The following COL25A1 variants were observed in gnomAD, a reference collection of about 807,000 sequenced individuals.
COL25A1 encodes collagen type XXV alpha 1 chain, also known as collagen alpha-1(XXV) chain.
In COL25A1, 103 loss-of-function variants were observed where a neutral mutation model predicts 128.4. The observed-to-expected ratio is 0.80, with a 90% confidence interval of 0.68 to 0.94. The LOEUF is 0.94. Among genes scored for constraint, COL25A1 ranks in the 40% least tolerant of loss-of-function variants. The probability of loss-of-function intolerance (pLI) is 0.00; values close to 1 mark genes in which losing one functional copy is unlikely to be tolerated. For synonymous variants in COL25A1, 279 were observed against 277.2 expected, an observed-to-expected ratio of 1.01 and a Z score of -0.06; for missense variants, 745 against 840.0, an observed-to-expected ratio of 0.89 and a Z score of 1.40.
At chr4:109,225,917 G>T (rs1399735324) in intron 3 of COL25A1, among the ~76,000 whole-genome samples, 1 of 150,870 alleles carries the variant, frequency 6.6e-6, no homozygotes, top group African/African-American at 2.4e-5. Flanking sequence ...TTACACACTA[G>T]TCACACGCTA....
intron 3 of COL25A1, among the ~76,000 whole-genome samples, chr4:109,197,451 TATATATAAATA>T (rs1402766166): frequency 8.4e-5 from 10 of 119,632 alleles, no homozygotes; most frequent in Non-Finnish European, 1.7e-4. Context: ...TTATATATAT[TATATATAAATA>T]TTATATATAA....
intron 6 of COL25A1, among the ~76,000 whole-genome samples, chr4:109,003,218 T>C (rs1402399894): frequency 6.6e-6 from 1 of 152,212 alleles, no homozygotes; most frequent in Non-Finnish European, 1.5e-5. Flanking sequence ...TCTATCCATC[T>C]GACAAAGGTT....
At chr4:109,091,597 T>C (rs1322322969) in intron 3 of COL25A1, among the ~76,000 whole-genome samples, 1 of 152,146 alleles carries the variant, frequency 6.6e-6, no homozygotes, top group African/African-American at 2.4e-5. Context: ...TGCACAGCAA[T>C]AGAGTTCTCA....
chr4:109,258,524 T>G (rs997207990), intron 3 of COL25A1, among the ~76,000 whole-genome samples: 3 of 152,194 alleles, frequency 2.0e-5, no homozygotes, highest in Non-Finnish European at 4.4e-5. Context: ...GTGCCTGCAC[T>G]GTTCAATAAG....
At chr4:109,240,721 T>C (rs1779843833) in intron 3 of COL25A1, among the ~76,000 whole-genome samples, 1 of 152,090 alleles carries the variant, frequency 6.6e-6, no homozygotes, top group African/African-American at 2.4e-5. Flanking sequence ...GTTCAAACGC[T>C]GATGCTGTCA....
At chr4:109,254,747 G>A (rs1377712229) in intron 3 of COL25A1, among the ~76,000 whole-genome samples, 3 of 151,700 alleles carry the variant, frequency 2.0e-5, no homozygotes, top group African/African-American at 7.3e-5. Context: ...CTATTACTGT[G>A]TTTTGATCAA....
intron 6 of COL25A1, among the ~76,000 whole-genome samples, chr4:108,978,264 G>A (rs533323012): frequency 1.5e-3 from 227 of 152,322 alleles, no homozygotes; most frequent in Non-Finnish European, 2.7e-3. Context: ...CAGCTGCAGC[G>A]GCTGCTTCGG....
intron 8 of COL25A1, among the ~76,000 whole-genome samples, chr4:108,968,707 G>T (rs907538591): frequency 3.3e-5 from 5 of 152,110 alleles, no homozygotes; most frequent in African/African-American, 1.2e-4. Flanking sequence ...GTTCAGCTGT[G>T]TAACAGTTAC....
rs533688245 is a variant in COL25A1, at chr4:108,852,387, T to C, written c.1345-107A>G. Reference sequence around the variant, plus strand: ...CTTCCTTATTTCTATCGTAATCAGATCTCCCCAAATATAAATTTGCAATGA... The same window carrying C: ...CTTCCTTATTTCTATCGTAATCAGACCTCCCCAAATATAAATTTGCAATGA... On this transcript the variant is annotated intron_variant, in intron 25 of 37. Transcript: ENST00000399132. The C allele has an allele frequency of 2.8e-5, 23 of 817,102 alleles. No homozygotes were observed. The East Asian group carries it at 6.6e-4, about 23-fold the overall frequency. 50.6% of individuals were successfully genotyped at this position (817,102 alleles called of 1,614,324 possible). A position where few individuals can be genotyped will look rare whatever the true frequency, so the allele number is the denominator to read the frequency against.
chr4:109,258,293 C>T (rs895851173), intron 3 of COL25A1, among the ~76,000 whole-genome samples: 5 of 151,784 alleles, frequency 3.3e-5, no homozygotes, highest in African/African-American at 1.2e-4. Context: ...TTCATCCATA[C>T]AGTCTTTTTC....
At chr4:109,280,977 T>C (rs957301981) in intron 3 of COL25A1, among the ~76,000 whole-genome samples, 1 of 152,188 alleles carries the variant, frequency 6.6e-6, no homozygotes, top group Non-Finnish European at 1.5e-5. Context: ...CAACAAAATG[T>C]ATGTGTTTAC....
chr4:108,940,474 C>T, intron 10 of COL25A1, 65 bp downstream of exon 10: 1 of 1,360,030 alleles, frequency 7.4e-7, no homozygotes. Flanking sequence ...CCTACTCCAC[C>T]CTAGTTCTCA....
intron 32 of COL25A1, among the ~76,000 whole-genome samples, chr4:108,830,177 C>T (rs752170766): frequency 5.9e-5 from 9 of 152,172 alleles, no homozygotes; most frequent in Non-Finnish European, 1.3e-4. Flanking sequence ...AACTCCTTTT[C>T]CTGGATTAAG....
chr4:108,954,867 G>A (rs1749878840), intron 8 of COL25A1, among the ~76,000 whole-genome samples: 1 of 151,530 alleles, frequency 6.6e-6, no homozygotes. Context: ...TCAAGACCAA[G>A]GAAAAAACTT....
At chr4:109,014,250 T>C (rs1416671797) in intron 5 of COL25A1, among the ~76,000 whole-genome samples, 2 of 151,940 alleles carry the variant, frequency 1.3e-5, no homozygotes, top group Non-Finnish European at 1.5e-5. Flanking sequence ...GAGGTTGCAG[T>C]GAGCTGAGAC....
At chr4:109,000,743 C>CAAAAAAAA (rs1180104512) in intron 6 of COL25A1, among the ~76,000 whole-genome samples, 9 of 36,416 alleles carry the variant, frequency 2.5e-4, no homozygotes, top group East Asian at 5.3e-4. Context: ...GAGACTCTGT[C>CAAAAAAAA]AAAAAAAAAA....
intron 6 of COL25A1, among the ~76,000 whole-genome samples, chr4:108,989,683 C>T (rs1289583330): frequency 6.6e-6 from 1 of 152,152 alleles, no homozygotes; most frequent in Admixed American, 6.5e-5. Context: ...AGATTAGACT[C>T]TGCTACACTC....
At chr4:108,834,748 T>C (rs1304957363) in intron 31 of COL25A1, among the ~76,000 whole-genome samples, 1 of 152,218 alleles carries the variant, frequency 6.6e-6, no homozygotes, top group Non-Finnish European at 1.5e-5. Context: ...TCACCATATA[T>C]TTCTTTAGGT....
intron 3 of COL25A1, among the ~76,000 whole-genome samples, chr4:109,203,488 A>G (rs1776732911): frequency 6.6e-6 from 1 of 152,124 alleles, no homozygotes; most frequent in Non-Finnish European, 1.5e-5. Flanking sequence ...AGGAGGAAGG[A>G]GAAACAAAAG....
Sources: allele counts gnomAD v4.1 joint callset (sites outside exome capture counted in the v4.1 genomes callset), GRCh38; gene constraint gnomAD v4.1.1; transcripts MANE v1.5; gene names NCBI Gene and HGNC (gene_info 2026-07-23, HGNC 2026-07-21).